ITCH: variants seen among roughly 807,000 people sequenced by gnomAD.
ITCH encodes itchy E3 ubiquitin protein ligase.
Under a neutral mutation model 126.8 loss-of-function variants are expected in ITCH, and 28 were observed. The ratio of observed to expected loss-of-function variants is 0.22; its 90% CI spans 0.16 to 0.30. ITCH has a LOEUF of 0.30. Ranked by LOEUF, ITCH falls within the 10% of genes least tolerant of loss-of-function variation. The pLI, the probability that ITCH is intolerant of heterozygous loss-of-function variation, is 1.00. For missense variants in ITCH, 631 were observed against 1,032.4 expected (o/e 0.61, Z 5.33); for synonymous variants, 342 against 340.0 (o/e 1.01, Z -0.06).
chr20:34,451,204 C>G (rs1985179741), intron 12 of ITCH, among the ~76,000 whole-genome samples: 1 of 151,436 alleles, frequency 6.6e-6, no homozygotes, highest in African/African-American at 2.4e-5. Flanking sequence ...GCAGGAGAGT[C>G]ACTTGAACCC....
intron 16 of ITCH, chr20:34,476,748 G>T (rs1988266854): frequency 5.1e-6 from 1 of 195,952 alleles, no homozygotes; most frequent in South Asian, 1.9e-4. Flanking sequence ...TTTAAGTGTG[G>T]TAATTCATTC....
At chr20:34,488,943 G>A (rs563212486) in intron 20 of ITCH, among the ~76,000 whole-genome samples, 2 of 152,180 alleles carry the variant, frequency 1.3e-5, no homozygotes, top group African/African-American at 2.4e-5. Flanking sequence ...GGAGGCCGAG[G>A]TAGGAGGATT....
intron 23 of ITCH, among the ~76,000 whole-genome samples, chr20:34,495,308 T>TAC (rs949511566): frequency 1.4e-5 from 2 of 140,606 alleles, no homozygotes; most frequent in Non-Finnish European, 3.1e-5. Context: ...TATATATATA[T>TAC]ATATATATAC....
At chr20:34,412,494 T>C in intron 4 of ITCH, 21 bp from the exon 5 acceptor site, 1 of 1,541,878 alleles carries the variant, frequency 6.5e-7, no homozygotes, top group African/African-American at 1.4e-5. Flanking sequence ...TAATATTTTT[T>C]CCCTCTTTTT....
intron 12 of ITCH, chr20:34,451,021 C>CTT (rs1985146054): frequency 6.6e-6 from 1 of 152,226 alleles, no homozygotes; most frequent in Admixed American, 6.5e-5. Flanking sequence ...GATGCAGTGA[C>CTT]TTACACTTAT....
intron 11 of ITCH, among the ~76,000 whole-genome samples, chr20:34,447,498 C>T (rs116573831): frequency 1.6e-4 from 25 of 152,238 alleles, no homozygotes; most frequent in African/African-American, 4.8e-4. Context: ...CTGTCATACA[C>T]CCAGCATTTT....
At chr20:34,417,327 C>T in intron 6 of ITCH, 1 of 371,924 alleles carries the variant, frequency 2.7e-6, no homozygotes, top group Non-Finnish European at 5.0e-6. Flanking sequence ...GAACTCCCGA[C>T]CTCAGGTGAT....
chr20:34,489,699 T>C, intron 21 of ITCH, 123 bp from the exon 22 acceptor site: 1 of 767,028 alleles, frequency 1.3e-6, no homozygotes, highest in African/African-American at 1.7e-5. Context: ...TCTTGATGTA[T>C]AGTTGATAAG....
At chr20:34,505,281 T>C (rs894234321) in intron 24 of ITCH, among the ~76,000 whole-genome samples, 1 of 152,146 alleles carries the variant, frequency 6.6e-6, no homozygotes, top group South Asian at 2.1e-4. Context: ...TGATCTCAGG[T>C]GATCCACCCA....
chr20:34,433,626 C>T (rs1353093369), intron 7 of ITCH, among the ~76,000 whole-genome samples: 1 of 140,448 alleles, frequency 7.1e-6, no homozygotes. Context: ...CTATGCACTC[C>T]AGCCTGGGCA....
rs527355180 is a variant in ITCH, at chr20:34,372,106, A to C, written c.-22+2636A>C. Among the ~76,000 whole-genome samples, 8 of 151,870 alleles carry C rather than the reference A, an allele frequency of 5.3e-5. No homozygotes were observed. The East Asian group carries it at 1.2e-3, about 22-fold the overall frequency. ...CGGATCACGAGGTCAGAAGATCGAG[A>C]CCATCCTGACTAACATGGTGAAACC... On this transcript the variant is annotated intron_variant, in intron 2 of 24. Coordinates refer to ENST00000374864, the MANE Select transcript of ITCH (RefSeq NM_031483.7).
At chr20:34,443,735 A>G (rs1433651748) in intron 10 of ITCH, among the ~76,000 whole-genome samples, 2 of 152,100 alleles carry the variant, frequency 1.3e-5, no homozygotes, top group Non-Finnish European at 1.5e-5. Context: ...CTGAAATCCT[A>G]GCACTTTGGG....
At chr20:34,367,108 T>A (rs1403800730) in intron 1 of ITCH, among the ~76,000 whole-genome samples, 3 of 152,210 alleles carry the variant, frequency 2.0e-5, no homozygotes, top group Non-Finnish European at 4.4e-5. Flanking sequence ...GAGAGTGAAT[T>A]GTTCATTAGC....
At chr20:34,475,994 T>C (rs1449801321) in intron 16 of ITCH, 9 of 1,602,410 alleles carry the variant, frequency 5.6e-6, no homozygotes, top group Non-Finnish European at 6.8e-6. Flanking sequence ...AACAGTCATA[T>C]TGTCCATAGA....
At chr20:34,462,007 A>G (rs904573979) in intron 13 of ITCH, 86 bp from the exon 14 acceptor site, 17 of 1,314,212 alleles carry the variant, frequency 1.3e-5, no homozygotes, top group Non-Finnish European at 1.7e-5. Context: ...GATTTCTGCT[A>G]TGTTTATTGA....
intron 17 of ITCH, among the ~76,000 whole-genome samples, 190 bp from the exon 18 acceptor site, chr20:34,479,440 A>C (rs542140862): frequency 1.3e-5 from 2 of 152,364 alleles, no homozygotes; most frequent in East Asian, 3.9e-4. Flanking sequence ...ATTACCATCT[A>C]CCAAAGATGG....
chr20:34,458,035 A>G (rs1304301307), intron 13 of ITCH, among the ~76,000 whole-genome samples: 2 of 152,220 alleles, frequency 1.3e-5, no homozygotes. Context: ...TTTAATTACT[A>G]AGAACAGATT....
At chr20:34,377,870 C>CAA (rs979304706) in intron 2 of ITCH, among the ~76,000 whole-genome samples, 3 of 107,086 alleles carry the variant, frequency 2.8e-5, no homozygotes, top group Non-Finnish European at 4.0e-5. Context: ...GACCCTGTCT[C>CAA]AAAAAAAAAA....
chr20:34,431,765 G>T (rs1395816645), intron 7 of ITCH, among the ~76,000 whole-genome samples: 1 of 151,832 alleles, frequency 6.6e-6, no homozygotes, highest in African/African-American at 2.4e-5. Flanking sequence ...TTTGGCCGGT[G>T]GCGGTGGCTC....
Sources: gnomAD v4.1 joint callset for allele counts (sites outside exome capture counted in the v4.1 genomes callset) on GRCh38, gnomAD v4.1.1 for gene constraint, MANE v1.5 for transcripts, NCBI Gene and HGNC (gene_info 2026-07-23, HGNC 2026-07-21) for gene names.